ANKRD13C: variants seen among roughly 807,000 people sequenced by gnomAD.
ANKRD13C encodes the protein ankyrin repeat domain-containing protein 13C.
Under a neutral mutation model 65.5 loss-of-function variants are expected in ANKRD13C, and 16 were observed. The observed-to-expected ratio is 0.24, with a 90% CI of 0.17 to 0.37. The LOEUF is 0.37. Ranked by LOEUF, ANKRD13C falls within the 10% of genes least tolerant of loss-of-function variation. The probability of loss-of-function intolerance (pLI) is 1.00; values close to 1 mark genes in which losing one functional copy is unlikely to be tolerated. For missense variants in ANKRD13C, 503 were observed against 655.9 expected (o/e 0.77, Z 2.55); for synonymous variants, 235 against 238.7 (o/e 0.98, Z 0.14).
chr1:70,312,981 G>A (rs954284330), intron 5 of ANKRD13C, among the ~76,000 whole-genome samples: 3 of 152,146 alleles, frequency 2.0e-5, no homozygotes, highest in Non-Finnish European at 4.4e-5. Flanking sequence ...AGTATGTAAA[G>A]AAAGTGGCTA....
rs1572203006 is a variant in ANKRD13C, at chr1:70,354,587, A to G, written c.-179T>C. On this transcript the variant is annotated 5_prime_UTR_variant, in exon 1 of 13. Transcript: ENST00000370944. ...CCCGGGGAAGAGCCGGCTCTCGCCT[A>G]GGCACGAAGGGACGCGCGCTCGCTG... 1.0e-5 allele frequency: 14 copies of G among 1,385,114 alleles called. No individual in the cohort carries two copies. In the East Asian group the frequency reaches 3.5e-4, roughly 35 times the overall value. 85.8% of individuals were successfully genotyped at this position (1,385,114 alleles called of 1,614,324 possible). A position where few individuals can be genotyped will look rare whatever the true frequency, so the allele number is the denominator to read the frequency against.
intron 6 of ANKRD13C, among the ~76,000 whole-genome samples, chr1:70,305,193 T>G (rs953720140): frequency 1.3e-5 from 2 of 152,210 alleles, no homozygotes; most frequent in Admixed American, 1.3e-4. Context: ...CCCTAGAATT[T>G]ACTTCCAACT....
chr1:70,318,684 T>G (rs1041387916), intron 3 of ANKRD13C, among the ~76,000 whole-genome samples: 2 of 144,734 alleles, frequency 1.4e-5, no homozygotes, highest in Non-Finnish European at 3.0e-5. Flanking sequence ...TCTTTGTTTT[T>G]TTTTTTTTTT....
At position 70,316,650 on chromosome 1, in the gene ANKRD13C, T is replaced by A. The variant is rs531352131; in HGVS notation, c.578-1084A>T. Among the ~76,000 whole-genome samples, 99 of 152,162 alleles carry A rather than the reference T, an allele frequency of 6.5e-4. No homozygotes were observed. The South Asian group carries it at 0.011, about 17-fold the overall frequency. ...CTGCAGTGAGCTATGACCACTGCAC[T>A]CCAGCCTGGGTGACAGAGCAAGACA... On this transcript the variant is annotated intron_variant, in intron 3 of 12. Transcript: ENST00000370944.
intron 2 of ANKRD13C, among the ~76,000 whole-genome samples, chr1:70,326,418 G>A (rs904385594): frequency 2.0e-5 from 3 of 151,948 alleles, no homozygotes; most frequent in South Asian, 4.2e-4. Context: ...TTAATAACTA[G>A]AAAAGAAAAA....
intron 3 of ANKRD13C, among the ~76,000 whole-genome samples, chr1:70,317,441 C>T (rs1468932918): frequency 6.6e-6 from 1 of 152,030 alleles, no homozygotes; most frequent in Non-Finnish European, 1.5e-5. Context: ...ATTCTTCCTA[C>T]TTTTGGTTTC....
At chr1:70,303,766 A>C (rs141700712) in intron 6 of ANKRD13C, among the ~76,000 whole-genome samples, 1 of 152,348 alleles carries the variant, frequency 6.6e-6, no homozygotes, top group East Asian at 1.9e-4. Flanking sequence ...ATGACATTTA[A>C]AATAGCAAGT....
chr1:70,332,885 A>T (rs2101578135), intron 2 of ANKRD13C, among the ~76,000 whole-genome samples: 1 of 152,248 alleles, frequency 6.6e-6, no homozygotes, highest in South Asian at 2.1e-4. Flanking sequence ...TAAAATTAGA[A>T]CCCTCAAACA....
chr1:70,340,982 AC>A (rs1300411467), intron 1 of ANKRD13C, among the ~76,000 whole-genome samples: 2 of 152,160 alleles, frequency 1.3e-5, no homozygotes, highest in East Asian at 3.9e-4. Context: ...GTGGTGGCGC[AC>A]GCCTGTAGGC....
At chr1:70,264,458 A>T (rs975946456) in intron 12 of ANKRD13C, among the ~76,000 whole-genome samples, 3 of 145,788 alleles carry the variant, frequency 2.1e-5, no homozygotes, top group African/African-American at 7.6e-5. Flanking sequence ...CCTGGGGAAC[A>T]GAGCAAGACT....
chr1:70,302,632 G>A (rs564428565), intron 6 of ANKRD13C, among the ~76,000 whole-genome samples: 2,505 of 131,278 alleles, frequency 0.019, 343 homozygotes, highest in African/African-American at 0.071. Flanking sequence ...AGGCTGAGGC[G>A]GGAGAATGGC....
chr1:70,324,811 T>G, intron 3 of ANKRD13C, 42 bp downstream of exon 3: 1 of 1,393,768 alleles, frequency 7.2e-7, no homozygotes, highest in Non-Finnish European at 9.9e-7. Context: ...TCACTTCATA[T>G]TTTTAGAAGA....
rs1238409714 is a variant in ANKRD13C at position 70,282,117 on chromosome 1, C to T, written c.1216-5273G>A. Among the ~76,000 whole-genome samples the T allele has an allele frequency of 6.1e-5, 9 of 146,604 alleles. No individual in the cohort carries two copies. The East Asian group carries it at 1.0e-3, about 17-fold the overall frequency. ...TCACCCAGGCTGGAGTGTAGTAGCG[C>T]GATCTCGGCTCACTGCAAGCTCTGC... On this transcript the variant is annotated intron_variant, in intron 9 of 12. Coordinates refer to ENST00000370944, the MANE Select transcript of ANKRD13C (RefSeq NM_030816.5).
At chr1:70,311,154 G>C (rs181558832) in intron 5 of ANKRD13C, among the ~76,000 whole-genome samples, 261 of 152,270 alleles carry the variant, frequency 1.7e-3, no homozygotes, top group South Asian at 0.015. Context: ...TAAAATTAGT[G>C]AAGTATTTCC....
At chr1:70,283,288 G>GA (rs970924507) in intron 9 of ANKRD13C, among the ~76,000 whole-genome samples, 48 of 152,204 alleles carry the variant, frequency 3.2e-4, no homozygotes, top group African/African-American at 1.0e-3. Context: ...TGCAATACCA[G>GA]ATAACTCTTT....
At chr1:70,316,101 T>C (rs1323289675) in intron 3 of ANKRD13C, among the ~76,000 whole-genome samples, 2 of 152,154 alleles carry the variant, frequency 1.3e-5, no homozygotes, top group South Asian at 2.1e-4. Context: ...TATAATTACC[T>C]GCAATTGTTA....
chr1:70,292,434 A>G lies in ANKRD13C; in HGVS notation c.1169T>C (p.Met390Thr). The G allele has an allele frequency of 6.2e-7, 1 of 1,607,080 alleles. No homozygotes were observed. The highest frequency in any genetic ancestry group is 8.5e-7 in the Non-Finnish European group (1 of 1,178,304). The change falls in exon 9 of 13, where the codon ATG becomes ACG. Residue 390 changes from methionine (M) to threonine (T), a missense_variant. Around this residue, in one of 2 missense-constraint regions of ANKRD13C, gnomAD observed 300 missense variants for 478.3 expected, o/e 0.63. Coordinates refer to ENST00000370944, the MANE Select transcript of ANKRD13C (RefSeq NM_030816.5). ...GTTTCCACCTTTACTCAAACTCTCC[A>G]TGATGGCCTTATTTCGAAGAATATC... is the stretch of plus-strand genomic sequence containing the variant. Reference protein sequence around the residue: ...EEDILRNKAIMESLSKGGNIM... With the variant: ...EEDILRNKAITESLSKGGNIM...
intron 1 of ANKRD13C, 84 bp downstream of exon 1, chr1:70,353,895 G>A: frequency 7.0e-7 from 1 of 1,418,926 alleles, no homozygotes; most frequent in South Asian, 1.7e-5. Flanking sequence ...GTCTGCTGGA[G>A]GGGGCCTAGG....
chr1:70,319,538 C>T (rs148579813), intron 3 of ANKRD13C, among the ~76,000 whole-genome samples: 141 of 148,426 alleles, frequency 9.5e-4, no homozygotes, highest in African/African-American at 3.3e-3. Context: ...ATCTGAGAGG[C>T]GGAGGCTGCA....
Sources: gnomAD v4.1 joint callset for allele counts (sites outside exome capture counted in the v4.1 genomes callset) on GRCh38, gnomAD v4.1.1 for gene constraint, gnomAD v4.1.1 regional missense constraint, MANE v1.5 for transcripts, NCBI Gene and HGNC (gene_info 2026-07-23, HGNC 2026-07-21) for gene names.